HAUS6: variants seen among roughly 807,000 people sequenced by gnomAD.
The protein encoded by HAUS6 is HAUS augmin-like complex subunit 6.
Under a neutral mutation model 106.8 loss-of-function variants are expected in HAUS6, and 80 were observed. That is an observed-to-expected ratio of 0.75 (90% CI 0.63 to 0.90). The LOEUF is 0.90. Among genes scored for constraint, HAUS6 ranks in the 40% least tolerant of loss-of-function variants. HAUS6 has a pLI of 0.00. For missense variants in HAUS6, 1,155 were observed against 1,118.1 expected (o/e 1.03, Z -0.47); for synonymous variants, 356 against 379.1 (o/e 0.94, Z 0.71).
At chr9:19,061,385 T>C (rs1836615536) in intron 14 of HAUS6, among the ~76,000 whole-genome samples, 1 of 152,204 alleles carries the variant, frequency 6.6e-6, no homozygotes, top group Admixed American at 6.5e-5. Context: ...ATTCTTTTAA[T>C]CAGAAAATGT....
At chr9:19,057,818 G>A in intron 16 of HAUS6, 143 bp downstream of exon 16, 6 of 593,084 alleles carry the variant, frequency 1.0e-5, no homozygotes, top group Non-Finnish European at 1.5e-5. Context: ...TGTCCAGTGA[G>A]GGATCATTCC....
In HAUS6 at chr9:19,053,563, A is replaced by G. The variant is rs1242935009; in HGVS notation, c.*2780T>C. On this transcript the variant is annotated 3_prime_UTR_variant, in exon 17 of 17. Coordinates refer to ENST00000380502, the MANE Select transcript of HAUS6 (RefSeq NM_017645.5). Reference sequence around the variant, plus strand: ...TTTATTCCACTTGATGACATTTTTCATGTTTAGCAACATTACATGGTTGTC... The same window carrying G: ...TTTATTCCACTTGATGACATTTTTCGTGTTTAGCAACATTACATGGTTGTC... The G allele has an allele frequency of 6.6e-6, 1 of 152,192 alleles. No homozygotes were observed. The highest frequency in any genetic ancestry group is 2.4e-5 in the African/African-American group (1 of 41,466). 9.4% of individuals were successfully genotyped at this position (152,192 alleles called of 1,614,324 possible). A position where few individuals can be genotyped will look rare whatever the true frequency, so the allele number is the denominator to read the frequency against.
chr9:19,069,408 G>A (rs1836838400), intron 12 of HAUS6, among the ~76,000 whole-genome samples: 1 of 152,168 alleles, frequency 6.6e-6, no homozygotes, highest in East Asian at 1.9e-4. Context: ...GGCAAAATTG[G>A]CCGGGTGCGG....
At chr9:19,056,714 C>T (rs537896470) in intron 16 of HAUS6, 20 of 238,754 alleles carry the variant, frequency 8.4e-5, no homozygotes, top group African/African-American at 4.3e-4. Flanking sequence ...AATCCTCCCA[C>T]CTCAGCCTCC....
intron 2 of HAUS6, among the ~76,000 whole-genome samples, chr9:19,094,624 T>A (rs748846224): frequency 2.6e-5 from 4 of 152,102 alleles, no homozygotes; most frequent in Non-Finnish European, 4.4e-5. Flanking sequence ...AAATCCCGTC[T>A]CTATTAAAAA....
At chr9:19,082,466 T>C (rs1292481896) in intron 8 of HAUS6, among the ~76,000 whole-genome samples, 1 of 152,154 alleles carries the variant, frequency 6.6e-6, no homozygotes, top group Non-Finnish European at 1.5e-5. Context: ...AAATAAATTC[T>C]GGCCGGGTGC....
chr9:19,099,144 T>C (rs538765909), intron 1 of HAUS6, among the ~76,000 whole-genome samples: 96 of 149,856 alleles, frequency 6.4e-4, no homozygotes, highest in African/African-American at 2.3e-3. Flanking sequence ...TAAAAAATAA[T>C]GGGGTTTTTT....
Position 19,058,688 on chromosome 9 carries a change from G to A in HAUS6, c.2079C>T (p.Cys693=), listed in dbSNP as rs751984422. Residue 693 remains cysteine, a synonymous_variant, in exon 16 of 17, where the codon TGC becomes TGT. Transcript: ENST00000380502. The part of the protein sequence containing the change: ...QSDLLNKKVI[C]KQDLECLAFT... ...AGGCTAAACATTCCAAATCTTGCTT[G>A]CAAATTACTTTCTTATTTAACAAAT... The A allele has an allele frequency of 4.3e-6, 7 of 1,612,354 alleles. No homozygotes were observed. The highest frequency in any genetic ancestry group is 3.3e-5 in the Admixed American group (2 of 59,978).
intron 12 of HAUS6, among the ~76,000 whole-genome samples, chr9:19,065,975 G>A (rs1359250509): frequency 5.0e-5 from 7 of 140,446 alleles, no homozygotes; most frequent in Non-Finnish European, 9.1e-5. Context: ...TCACTCTGTC[G>A]CCCACACTGG....
At chr9:19,077,253 G>C (rs1487488881) in intron 10 of HAUS6, among the ~76,000 whole-genome samples, 1 of 152,210 alleles carries the variant, frequency 6.6e-6, no homozygotes, top group African/African-American at 2.4e-5. Flanking sequence ...CTTGTTTTCT[G>C]GCTGGGCACA....
chr9:19,083,496 A>G (rs529303784), intron 7 of HAUS6, among the ~76,000 whole-genome samples: 2 of 152,198 alleles, frequency 1.3e-5, no homozygotes, highest in South Asian at 4.1e-4. Context: ...TCAGGGAGAA[A>G]TAATTTTAAA....
chr9:19,091,845 A>G (rs910059640), intron 4 of HAUS6, among the ~76,000 whole-genome samples: 3 of 151,916 alleles, frequency 2.0e-5, no homozygotes, highest in Admixed American at 6.6e-5. Context: ...TATTTTCAGT[A>G]ATGACAGGGT....
chr9:19,085,737 TTCC>T (rs1837275084), intron 7 of HAUS6, among the ~76,000 whole-genome samples: 1 of 152,160 alleles, frequency 6.6e-6, no homozygotes, highest in Non-Finnish European at 1.5e-5. Flanking sequence ...CTCATTTTGA[TTCC>T]TCATTTTCCT....
At chr9:19,092,046 A>G (rs1817761161) in intron 4 of HAUS6, among the ~76,000 whole-genome samples, 1 of 152,180 alleles carries the variant, frequency 6.6e-6, no homozygotes, top group East Asian at 1.9e-4. Context: ...AATACAAATT[A>G]AAACTATACT....
chr9:19,079,956 T>C (rs1323786266), intron 9 of HAUS6, among the ~76,000 whole-genome samples: 5 of 140,418 alleles, frequency 3.6e-5, no homozygotes, highest in African/African-American at 8.1e-5. Context: ...AGGTGGATCA[T>C]CTGAGGTCGG....
At chr9:19,100,281 G>A (rs1033459031) in intron 1 of HAUS6, among the ~76,000 whole-genome samples, 4 of 152,328 alleles carry the variant, frequency 2.6e-5, no homozygotes, top group East Asian at 3.9e-4. Flanking sequence ...AGGAAGGATC[G>A]CTTGAGCCCA....
In HAUS6 at chr9:19,094,301, C is replaced by A. The variant is rs766631699; in HGVS notation, c.303+16G>T. The A allele has an allele frequency of 1.7e-4, 252 of 1,478,888 alleles. No homozygotes were observed. The highest frequency in any genetic ancestry group is 2.3e-4 in the Non-Finnish European group (246 of 1,067,070). The allele number at this position is 1,478,888 out of a possible 1,614,324, so 91.6% of individuals were successfully genotyped here. A position where few individuals can be genotyped will look rare whatever the true frequency, so the allele number is the denominator to read the frequency against. On this transcript the variant is annotated intron_variant, in intron 3 of 16. Coordinates refer to ENST00000380502, the MANE Select transcript of HAUS6 (RefSeq NM_017645.5). ...ACTTCTTAAAGTCTGTATCTTCTAA[C>A]AAAAAGAATACTTACAGAAATCCTT...
At chr9:19,066,939 C>A (rs774128988) in intron 12 of HAUS6, among the ~76,000 whole-genome samples, 15 of 150,578 alleles carry the variant, frequency 1.0e-4, no homozygotes, top group Non-Finnish European at 2.1e-4. Context: ...CCCAGGAGAT[C>A]AAGGCTGCAG....
In HAUS6 at chr9:19,056,093, C is replaced by G; in HGVS notation, c.*250G>C. ...AAGATTACTCAAGAAATCAAAATGG[C>G]TTCCCATTGCTTGACGTTTGTTGTC... On this transcript the variant is annotated 3_prime_UTR_variant, in exon 17 of 17. Transcript: ENST00000380502. The G allele has an allele frequency of 2.6e-6, 1 of 388,400 alleles. No individual in the cohort carries two copies. Among genetic ancestry groups the G allele is most frequent in the Non-Finnish European group, 4.6e-6 (1 of 217,602 alleles). The allele number at this position is 388,400 out of a possible 1,614,324, so 24.1% of individuals were successfully genotyped here.
Sources: gnomAD v4.1 joint callset for allele counts (sites outside exome capture counted in the v4.1 genomes callset) on GRCh38, gnomAD v4.1.1 for gene constraint, MANE v1.5 for transcripts, NCBI Gene and HGNC (gene_info 2026-07-23, HGNC 2026-07-21) for gene names.